The following GRM5 variants were observed in gnomAD, a reference collection of about 807,000 sequenced individuals.
GRM5 encodes the protein metabotropic glutamate receptor 5.
GRM5 carries 19 observed loss-of-function variants against 83.1 expected under a neutral mutation model. The ratio of observed to expected loss-of-function variants is 0.23; its 90% CI spans 0.16 to 0.34. The LOEUF is 0.34. Ranked by LOEUF, GRM5 falls within the 10% of genes least tolerant of loss-of-function variation. GRM5 has a pLI of 1.00. For missense variants in GRM5, 1,160 were observed against 1,588.3 expected (o/e 0.73, Z 4.58); for synonymous variants, 675 against 633.6 (o/e 1.07, Z -0.98).
At chr11:88,692,055 G>A (rs1001339847) in intron 3 of GRM5, among the ~76,000 whole-genome samples, 1 of 152,160 alleles carries the variant, frequency 6.6e-6, no homozygotes, top group Non-Finnish European at 1.5e-5. Context: ...AACACTGGAA[G>A]CTGCACACCA....
chr11:88,790,816 G>C (rs1356757144), intron 3 of GRM5, among the ~76,000 whole-genome samples: 1 of 152,160 alleles, frequency 6.6e-6, no homozygotes, highest in Non-Finnish European at 1.5e-5. Flanking sequence ...GAACACAGTA[G>C]AAGATAAGTT....
chr11:88,642,042 C>T (rs1361021594), intron 4 of GRM5, among the ~76,000 whole-genome samples: 2 of 152,146 alleles, frequency 1.3e-5, no homozygotes. Context: ...GGGGCTCCAA[C>T]CCTGCACCAG....
intron 2 of GRM5, among the ~76,000 whole-genome samples, chr11:88,855,742 T>C (rs1443226125): frequency 2.0e-5 from 3 of 151,890 alleles, no homozygotes; most frequent in Non-Finnish European, 2.9e-5. Flanking sequence ...AAAATAGATT[T>C]CTGTATTATA....
intron 3 of GRM5, among the ~76,000 whole-genome samples, chr11:88,653,838 T>G (rs1939698518): frequency 6.6e-6 from 1 of 152,096 alleles, no homozygotes; most frequent in African/African-American, 2.4e-5. Flanking sequence ...AAAAATATTC[T>G]CCAACATACC....
At chr11:88,784,789 A>G (rs1161505904) in intron 3 of GRM5, among the ~76,000 whole-genome samples, 1 of 152,064 alleles carries the variant, frequency 6.6e-6, no homozygotes, top group Admixed American at 6.6e-5. Flanking sequence ...AAGCAAGTCC[A>G]TAAACCCGAT....
intron 1 of GRM5, among the ~76,000 whole-genome samples, chr11:89,057,393 C>T (rs940400850): frequency 6.6e-6 from 1 of 152,112 alleles, no homozygotes; most frequent in African/African-American, 2.4e-5. Context: ...AATGCAGCAT[C>T]CCCACTGTTT....
At chr11:88,731,110 C>T (rs1941797792) in intron 3 of GRM5, among the ~76,000 whole-genome samples, 1 of 152,062 alleles carries the variant, frequency 6.6e-6, no homozygotes, top group Non-Finnish European at 1.5e-5. Flanking sequence ...CTTCTATTAT[C>T]CACAAAAAAT....
intron 3 of GRM5, among the ~76,000 whole-genome samples, chr11:88,795,652 A>C (rs898651554): frequency 6.6e-6 from 1 of 152,182 alleles, no homozygotes; most frequent in African/African-American, 2.4e-5. Context: ...TATCAATGAG[A>C]TATTATTAGC....
chr11:88,849,827 A>G (rs895548902), intron 3 of GRM5, 79 bp downstream of exon 3: 5 of 1,335,854 alleles, frequency 3.7e-6, no homozygotes, highest in African/African-American at 2.9e-5. Context: ...AGAATTTTTT[A>G]TCATACACTA....
chr11:88,962,365 T>A (rs561012), intron 2 of GRM5, among the ~76,000 whole-genome samples: 145,291 of 152,088 alleles, frequency 0.96, 69,766 homozygotes, highest in East Asian at 1. Context: ...TTACCTTGTC[T>A]TCCATTCCAC....
At chr11:88,529,681 G>C (rs761904098) in intron 8 of GRM5, among the ~76,000 whole-genome samples, 10 of 151,898 alleles carry the variant, frequency 6.6e-5, no homozygotes, top group Non-Finnish European at 1.5e-4. Context: ...TAGAGAGATA[G>C]AGAAATACTA....
intron 9 of GRM5, chr11:88,524,190 T>TTCTTTCTTTCTTTA (rs1270146691): frequency 8.9e-6 from 1 of 112,970 alleles, no homozygotes; most frequent in Non-Finnish European, 1.8e-5. Flanking sequence ...TCTTTTTTCT[T>TTCTTTCTTTCTTTA]TTTCTTTCTT....
intron 3 of GRM5, among the ~76,000 whole-genome samples, chr11:88,751,911 T>A (rs929267992): frequency 6.6e-6 from 1 of 152,036 alleles, no homozygotes; most frequent in Admixed American, 6.6e-5. Flanking sequence ...TCCCTTCATA[T>A]TAAAAACTCT....
At chr11:88,926,321 G>A (rs967100366) in intron 2 of GRM5, among the ~76,000 whole-genome samples, 1 of 152,148 alleles carries the variant, frequency 6.6e-6, no homozygotes, top group African/African-American at 2.4e-5. Flanking sequence ...GTTGTGAAAA[G>A]TAGTACAAAT....
At chr11:88,560,947 C>T (rs1156357123) in intron 8 of GRM5, among the ~76,000 whole-genome samples, 1 of 152,056 alleles carries the variant, frequency 6.6e-6, no homozygotes, top group East Asian at 1.9e-4. Flanking sequence ...CTCCAAGAGT[C>T]CAGATGTGGG....
At chr11:88,715,728 G>A (rs1018927954) in intron 3 of GRM5, among the ~76,000 whole-genome samples, 12 of 151,932 alleles carry the variant, frequency 7.9e-5, no homozygotes, top group Non-Finnish European at 1.8e-4. Flanking sequence ...CCTGCTTTGG[G>A]TATGCAGTAT....
chr11:88,610,128 T>G (rs1187507201), intron 4 of GRM5, among the ~76,000 whole-genome samples: 1 of 152,204 alleles, frequency 6.6e-6, no homozygotes, highest in African/African-American at 2.4e-5. Flanking sequence ...CTGTTTGGGT[T>G]GCTGTAGCCT....
chr11:88,876,301 A>T (rs1392107388), intron 2 of GRM5, among the ~76,000 whole-genome samples: 1 of 152,058 alleles, frequency 6.6e-6, no homozygotes, highest in Non-Finnish European at 1.5e-5. Flanking sequence ...TTCCTTCTGA[A>T]GCTTCCTCAC....
In GRM5 at chr11:89,047,447, G is replaced by A. The variant is rs140878894; in HGVS notation, c.426C>T (p.Pro142=). The A allele has an allele frequency of 2.3e-5, 37 of 1,614,032 alleles. No individual in the cohort carries two copies. In the African/African-American group the frequency reaches 4.3e-4, roughly 19 times the overall value. ...AGCCAGGCCCAATGACCCCTACTAT[G>A]GGCTTCTTGGAGCGGAAGGAAGAGG... ...GSSSSFRSKK[P]IVGVIGPGSS... The change falls in exon 2 of 10, where the codon CCC becomes CCT. Residue 142 remains proline, a synonymous_variant. Transcript: ENST00000305447. This position sits in a 1 kb window ranked among gnomAD's most constrained non-coding sequence, Gnocchi z 5.1.
Sources: allele counts gnomAD v4.1 joint callset (sites outside exome capture counted in the v4.1 genomes callset), GRCh38; gene constraint gnomAD v4.1.1; non-coding constraint Gnocchi (gnomAD v3.1); transcripts MANE v1.5; gene names NCBI Gene and HGNC (gene_info 2026-07-23, HGNC 2026-07-21).